The following TMTC3 variants were observed in gnomAD, a reference collection of about 807,000 sequenced individuals.
TMTC3 encodes protein O-mannosyl-transferase TMTC3.
A neutral mutation model predicts 92.2 loss-of-function variants in TMTC3; 52 were observed. The observed-to-expected ratio is 0.56, with a 90% CI of 0.45 to 0.71. TMTC3 has a LOEUF of 0.71. Ranked by LOEUF, TMTC3 falls within the 30% of genes least tolerant of loss-of-function variation. TMTC3 has a pLI of 0.00. For missense variants in TMTC3, 896 were observed against 1,057.1 expected (o/e 0.85, Z 2.11); for synonymous variants, 339 against 363.3 (o/e 0.93, Z 0.76).
At chr12:88,178,199 ACAAAG>A (rs2041280089) in intron 10 of TMTC3, among the ~76,000 whole-genome samples, 1 of 152,230 alleles carries the variant, frequency 6.6e-6, no homozygotes, top group Non-Finnish European at 1.5e-5. Context: ...TGTCTCCAAA[ACAAAG>A]CTAAGTTTCA....
chr12:88,147,451 A>G (rs981497719), intron 1 of TMTC3, among the ~76,000 whole-genome samples: 8 of 152,146 alleles, frequency 5.3e-5, no homozygotes, highest in Admixed American at 5.2e-4. Flanking sequence ...CGGTTTTTCT[A>G]AATTACAACA....
intron 2 of TMTC3, among the ~76,000 whole-genome samples, chr12:88,151,710 C>A (rs1376329700): frequency 6.6e-6 from 1 of 152,170 alleles, no homozygotes; most frequent in African/African-American, 2.4e-5. Context: ...TGAGTACATC[C>A]TTTCACCTAG....
intron 5 of TMTC3, 129 bp from the exon 6 acceptor site, chr12:88,160,550 T>A (rs2041064076): frequency 1.2e-6 from 1 of 842,216 alleles, no homozygotes; most frequent in Non-Finnish European, 1.8e-6. Context: ...ATTATTAGCT[T>A]CACACATTCT....
intron 1 of TMTC3, among the ~76,000 whole-genome samples, chr12:88,147,407 C>T (rs1356562613): frequency 6.6e-6 from 1 of 152,128 alleles, no homozygotes; most frequent in Non-Finnish European, 1.5e-5. Flanking sequence ...TGATTTTTAC[C>T]TACCCAAAGG....
chr12:88,193,419 A>T (rs1313597680), intron 13 of TMTC3, among the ~76,000 whole-genome samples: 2 of 152,062 alleles, frequency 1.3e-5, no homozygotes, highest in African/African-American at 2.4e-5. Context: ...GCCTCATAAG[A>T]TAGTGTATAT....
chr12:88,187,398 G>T (rs1204176589), intron 10 of TMTC3, among the ~76,000 whole-genome samples: 2 of 152,042 alleles, frequency 1.3e-5, no homozygotes, highest in African/African-American at 2.4e-5. Flanking sequence ...TATTTTTGCA[G>T]ATTTCATTTC....
At chr12:88,177,771 T>A (rs76435558) in intron 10 of TMTC3, among the ~76,000 whole-genome samples, 3,754 of 152,274 alleles carry the variant, frequency 0.025, 141 homozygotes, top group African/African-American at 0.083. Flanking sequence ...GTGCAGAGTG[T>A]CAGACACTGT....
intron 8 of TMTC3, 197 bp downstream of exon 8, chr12:88,172,942 T>C: frequency 6.8e-7 from 1 of 1,474,978 alleles, no homozygotes; most frequent in Non-Finnish European, 9.0e-7. Context: ...TTCTTCCCTA[T>C]ATTTATGTAA....
At chr12:88,176,064 G>A in intron 9 of TMTC3, 144 bp from the exon 10 acceptor site, 2 of 541,514 alleles carry the variant, frequency 3.7e-6, no homozygotes, top group South Asian at 2.8e-5. Context: ...ATTTGGTGAA[G>A]CAGTCTTTAT....
At chr12:88,188,217 C>T (rs2041400662) in intron 10 of TMTC3, among the ~76,000 whole-genome samples, 1 of 152,106 alleles carries the variant, frequency 6.6e-6, no homozygotes, top group South Asian at 2.1e-4. Flanking sequence ...TTTTAAAAAT[C>T]GAATGGCAAA....
At chr12:88,186,189 C>A (rs1019481369) in intron 10 of TMTC3, among the ~76,000 whole-genome samples, 2 of 152,078 alleles carry the variant, frequency 1.3e-5, no homozygotes, top group African/African-American at 4.8e-5. Context: ...ACATTTGCAT[C>A]CCTAGGCAGG....
At chr12:88,149,638 C>T (rs1398032762) in intron 2 of TMTC3, among the ~76,000 whole-genome samples, 1 of 152,164 alleles carries the variant, frequency 6.6e-6, no homozygotes, top group African/African-American at 2.4e-5. Context: ...ATGTAACTCT[C>T]TGCAATGTTA....
At chr12:88,157,529 T>C (rs1488527251) in intron 4 of TMTC3, among the ~76,000 whole-genome samples, 1 of 152,118 alleles carries the variant, frequency 6.6e-6, no homozygotes. Context: ...CCAGTGGTAC[T>C]ATTTTTATTT....
intron 8 of TMTC3, 57 bp from the exon 9 acceptor site, chr12:88,174,550 A>C: frequency 1.3e-6 from 2 of 1,567,176 alleles, no homozygotes; most frequent in Non-Finnish European, 1.7e-6. Context: ...CTAAAAGGTA[A>C]AATGCTTTTG....
intron 4 of TMTC3, among the ~76,000 whole-genome samples, chr12:88,154,791 CTT>C (rs2040985843): frequency 6.6e-6 from 1 of 152,160 alleles, no homozygotes; most frequent in Non-Finnish European, 1.5e-5. Flanking sequence ...TAGAATATAA[CTT>C]TTATTGTGTG....
intron 6 of TMTC3, among the ~76,000 whole-genome samples, chr12:88,161,854 T>A (rs533050140): frequency 2.3e-4 from 35 of 151,406 alleles, no homozygotes; most frequent in African/African-American, 8.2e-4. Flanking sequence ...TAATATACAT[T>A]TTATATATGT....
intron 2 of TMTC3, among the ~76,000 whole-genome samples, chr12:88,150,364 C>T (rs577103595): frequency 6.6e-6 from 1 of 152,114 alleles, no homozygotes; most frequent in Non-Finnish European, 1.5e-5. Flanking sequence ...CCTAATAATC[C>T]AATCATTTCC....
intron 10 of TMTC3, among the ~76,000 whole-genome samples, chr12:88,188,626 A>AGTT (rs2041405394): frequency 6.6e-6 from 1 of 152,172 alleles, no homozygotes; most frequent in East Asian, 1.9e-4. Context: ...CATTGGTTTT[A>AGTT]AGTTATAACA....
Position 88,199,777 on chromosome 12 carries a change from T to C in TMTC3, c.*4128T>C, listed in dbSNP as rs1409071468. Reference sequence around the variant, plus strand: ...TCATGTTCTTTCTTTGTAACTCACTTTCTTCGTCAACATTTCTGTGACTCA... The same window carrying C: ...TCATGTTCTTTCTTTGTAACTCACTCTCTTCGTCAACATTTCTGTGACTCA... On this transcript the variant is annotated 3_prime_UTR_variant, in exon 14 of 14. Coordinates refer to ENST00000266712, the MANE Select transcript of TMTC3 (RefSeq NM_181783.4). 3 of 152,222 alleles carry C rather than the reference T, an allele frequency of 2.0e-5. No homozygotes were observed. The highest frequency in any genetic ancestry group is 4.8e-5 in the African/African-American group (2 of 41,462). The allele number at this position is 152,222 out of a possible 1,614,324, so 9.4% of individuals were successfully genotyped here.
Sources: allele counts gnomAD v4.1 joint callset (sites outside exome capture counted in the v4.1 genomes callset), GRCh38; gene constraint gnomAD v4.1.1; transcripts MANE v1.5; gene names NCBI Gene and HGNC (gene_info 2026-07-23, HGNC 2026-07-21).